The following XKR9 variants were observed in gnomAD, a reference collection of about 807,000 sequenced individuals.
The protein encoded by XKR9 is XK related 9, also known as XK-related protein 9.
In XKR9, 32 loss-of-function variants were observed where a neutral mutation model predicts 32.0. The ratio of observed to expected loss-of-function variants is 1.00; its 90% confidence interval spans 0.76 to 1.34. The LOEUF is 1.34. Ranked by LOEUF, XKR9 falls within the 40% of genes most tolerant of loss-of-function variation. The pLI is 0.00. For missense variants in XKR9, 546 were observed against 429.7 expected, an observed-to-expected ratio of 1.27 and a Z score of -2.39; for synonymous variants, 168 against 143.4, an observed-to-expected ratio of 1.17 and a Z score of -1.22.
chr8:70,983,554 G>A, the XKR9 span, among the ~76,000 whole-genome samples: 1 of 152,262 alleles, frequency 6.6e-6, no homozygotes, highest in South Asian at 2.1e-4. Context: ...GCTGAGGCGG[G>A]TGGATCATCT....
At chr8:71,002,366 T>A in the XKR9 span, among the ~76,000 whole-genome samples, 1 of 94,858 alleles carries the variant, frequency 1.1e-5, no homozygotes, top group South Asian at 2.7e-4. Flanking sequence ...AAAGCCGTGG[T>A]AGGTTTTTGT....
chr8:70,883,851 G>A, the XKR9 span, among the ~76,000 whole-genome samples: 2 of 152,106 alleles, frequency 1.3e-5, no homozygotes, highest in African/African-American at 2.4e-5. Context: ...AAACATTTGT[G>A]TTCAGGTTTT....
the XKR9 span, among the ~76,000 whole-genome samples, chr8:70,864,335 C>A: frequency 6.6e-6 from 1 of 152,120 alleles, no homozygotes; most frequent in East Asian, 1.9e-4. Context: ...ATCCTGTTAG[C>A]CTTTTCACCC....
chr8:70,706,881 C>A, intron 3 of XKR9, 52 bp from the exon 4 acceptor site: 2 of 1,416,320 alleles, frequency 1.4e-6, no homozygotes, highest in Non-Finnish European at 1.9e-6. Context: ...TATTAACAGA[C>A]ATGTTACAAA....
the XKR9 span, among the ~76,000 whole-genome samples, chr8:71,007,785 A>T: frequency 1.3e-5 from 2 of 152,258 alleles, no homozygotes; most frequent in Admixed American, 1.3e-4. Context: ...ATGATTTTTT[A>T]AATTATTCAT....
the XKR9 span, among the ~76,000 whole-genome samples, chr8:70,915,638 G>T: frequency 6.6e-6 from 1 of 152,070 alleles, no homozygotes; most frequent in African/African-American, 2.4e-5. Flanking sequence ...AACTGATTTT[G>T]TCTATAGGAT....
chr8:70,756,210 C>T (rs1016145858), intron 2 of XKR9, among the ~76,000 whole-genome samples: 1 of 152,184 alleles, frequency 6.6e-6, no homozygotes, highest in Non-Finnish European at 1.5e-5. Context: ...CCTCTCAATT[C>T]TGTTCGACTA....
the XKR9 span, among the ~76,000 whole-genome samples, chr8:70,946,061 G>C: frequency 2.6e-5 from 4 of 152,116 alleles, no homozygotes; most frequent in African/African-American, 9.7e-5. Flanking sequence ...CTTGAACCTG[G>C]GAGGCGGAGG....
intron 2 of XKR9, among the ~76,000 whole-genome samples, chr8:70,771,326 G>T (rs769739624): frequency 7.2e-5 from 11 of 152,174 alleles, no homozygotes; most frequent in Non-Finnish European, 1.3e-4. Context: ...ATTGGTCTCT[G>T]GGAGCTGCAG....
At chr8:70,999,335 C>G in the XKR9 span, among the ~76,000 whole-genome samples, 1 of 152,122 alleles carries the variant, frequency 6.6e-6, no homozygotes, top group Non-Finnish European at 1.5e-5. Context: ...AGCTCCTAGT[C>G]CATTTTTGTT....
the XKR9 span, among the ~76,000 whole-genome samples, chr8:70,814,374 A>C: frequency 7.2e-5 from 11 of 152,224 alleles, no homozygotes; most frequent in African/African-American, 2.6e-4. Flanking sequence ...GCACACCAAC[A>C]TTGCACATGT....
At chr8:70,876,543 T>C in the XKR9 span, among the ~76,000 whole-genome samples, 3 of 152,136 alleles carry the variant, frequency 2.0e-5, no homozygotes, top group Non-Finnish European at 4.4e-5. Context: ...TAGCTTTTAT[T>C]AATAAAAATC....
At chr8:70,974,073 A>G in the XKR9 span, among the ~76,000 whole-genome samples, 1 of 152,136 alleles carries the variant, frequency 6.6e-6, no homozygotes, top group African/African-American at 2.4e-5. Flanking sequence ...TAAAGTACCC[A>G]CTATTATTGT....
the XKR9 span, among the ~76,000 whole-genome samples, chr8:70,875,651 G>T: frequency 1.3e-5 from 2 of 152,128 alleles, no homozygotes; most frequent in Non-Finnish European, 2.9e-5. Flanking sequence ...AGAACAGGAT[G>T]AAAGTTTTAT....
At chr8:70,744,844 G>A (rs1807036007) in intron 2 of XKR9, among the ~76,000 whole-genome samples, 1 of 135,830 alleles carries the variant, frequency 7.4e-6, no homozygotes, top group Non-Finnish European at 1.7e-5. Context: ...GGCCTCAAGT[G>A]ATCTACCTGC....
chr8:70,683,802 C>G (rs1586810161), intron 3 of XKR9, among the ~76,000 whole-genome samples: 1 of 152,334 alleles, frequency 6.6e-6, no homozygotes, highest in East Asian at 1.9e-4. Context: ...AATTACTTTA[C>G]TTCTGCCTTC....
intron 2 of XKR9, among the ~76,000 whole-genome samples, chr8:70,778,139 A>G (rs1278942363): frequency 6.6e-6 from 1 of 152,170 alleles, no homozygotes; most frequent in Non-Finnish European, 1.5e-5. Context: ...TATAAGGTGT[A>G]AGGAAGGGAT....
At chr8:70,963,272 C>T in the XKR9 span, among the ~76,000 whole-genome samples, 2 of 152,182 alleles carry the variant, frequency 1.3e-5, no homozygotes, top group African/African-American at 4.8e-5. Flanking sequence ...CCTAGCATCA[C>T]TCATGTCCTG....
chr8:70,999,643 C>T, the XKR9 span, among the ~76,000 whole-genome samples: 1 of 152,160 alleles, frequency 6.6e-6, no homozygotes, highest in African/African-American at 2.4e-5. Flanking sequence ...CATTGAAATA[C>T]AGAGCAACCG....
Sources: gnomAD v4.1 joint callset for allele counts (sites outside exome capture counted in the v4.1 genomes callset) on GRCh38, gnomAD v4.1.1 for gene constraint, MANE v1.5 for transcripts, NCBI Gene and HGNC (gene_info 2026-07-23, HGNC 2026-07-21) for gene names.